NUP37: variants seen among roughly 807,000 people sequenced by gnomAD.
NUP37 encodes the protein nucleoporin Nup37.
NUP37 carries 33 observed loss-of-function variants against 45.4 expected under a neutral mutation model. The ratio of observed to expected loss-of-function variants is 0.73; its 90% CI spans 0.55 to 0.97. The LOEUF (loss-of-function observed/expected upper bound fraction) is 0.97. Among genes scored for constraint, NUP37 ranks in the 50% least tolerant of loss-of-function variants. The pLI is 0.00. For synonymous variants in NUP37, 127 were observed against 130.7 expected (o/e 0.97, Z 0.19); for missense variants, 365 against 389.7 (o/e 0.94, Z 0.53).
Position 102,074,388 on chromosome 12 carries a change from T to G in NUP37, c.947A>C (p.Asp316Ala), listed in dbSNP as rs756240742. Reference protein sequence around the residue: ...RTLPLCVIGGDHKLLFWVTEV With the variant: ...RTLPLCVIGGAHKLLFWVTEV ...AGTCACCCAAAACAACAGCTTGTGG[T>G]CTCCTCCAATTACACACAGAGGGAG... Residue 316 changes from aspartate (D) to alanine (A), a missense_variant, in exon 10 of 10, where the codon GAC becomes GCC. Physicochemically the swap from Asp to Ala is moderately radical, Grantham distance 126 (BLOSUM62 -2). Transcript: ENST00000552283. The G allele has an allele frequency of 1.9e-6, 3 of 1,612,916 alleles. No individual in the cohort carries two copies. Among genetic ancestry groups the G allele is most frequent in the Non-Finnish European group, 2.5e-6 (3 of 1,179,384 alleles).
At chr12:102,099,885 CCCTT>C (rs1159750352) in intron 4 of NUP37, among the ~76,000 whole-genome samples, 1 of 151,926 alleles carries the variant, frequency 6.6e-6, no homozygotes, top group Admixed American at 6.6e-5. Context: ...ATTCTTTCTA[CCCTT>C]CCTTCTTTCC....
At chr12:102,111,971 A>G in intron 3 of NUP37, 137 bp downstream of exon 3, 1 of 754,388 alleles carries the variant, frequency 1.3e-6, no homozygotes, top group Non-Finnish European at 2.1e-6. Context: ...ATTAAGTAGT[A>G]GCAAATATCA....
intron 2 of NUP37, chr12:102,115,858 GA>G (rs896624628): frequency 3.9e-5 from 37 of 951,132 alleles, no homozygotes; most frequent in Admixed American, 6.2e-5. Flanking sequence ...AATGGAACTT[GA>G]AGGTTCTAGG....
chr12:102,096,715 A>C (rs911595365), intron 5 of NUP37, among the ~76,000 whole-genome samples: 1 of 152,168 alleles, frequency 6.6e-6, no homozygotes, highest in Non-Finnish European at 1.5e-5. Flanking sequence ...AGAATCTTAC[A>C]TTATCACATA....
intron 2 of NUP37, 125 bp downstream of exon 2, chr12:102,118,238 G>A (rs1334825717): frequency 1.1e-6 from 1 of 937,064 alleles, no homozygotes; most frequent in African/African-American, 1.7e-5. Flanking sequence ...TTTCTCTATG[G>A]ATCTTATCTT....
intron 8 of NUP37, among the ~76,000 whole-genome samples, chr12:102,076,246 T>G (rs931956472): frequency 6.6e-6 from 1 of 152,202 alleles, no homozygotes; most frequent in African/African-American, 2.4e-5. Context: ...TTCTACAACT[T>G]ATTGGAATAT....
chr12:102,117,441 GA>G (rs55747025), intron 2 of NUP37, among the ~76,000 whole-genome samples: 20 of 146,442 alleles, frequency 1.4e-4, no homozygotes, highest in African/African-American at 3.3e-4. Flanking sequence ...AACTCTGTCT[GA>G]AAAAAAAAAA....
intron 6 of NUP37, among the ~76,000 whole-genome samples, chr12:102,077,788 T>C (rs765369606): frequency 3.3e-5 from 5 of 152,214 alleles, no homozygotes; most frequent in Non-Finnish European, 7.3e-5. Context: ...GTCATGTGTA[T>C]AAGGTATACA....
intron 3 of NUP37, among the ~76,000 whole-genome samples, chr12:102,110,924 T>C (rs763485497): frequency 2.1e-4 from 32 of 152,326 alleles, no homozygotes; most frequent in Non-Finnish European, 3.8e-4. Context: ...AGAACCACTT[T>C]AGAAACTGGC....
At chr12:102,075,176 C>G in intron 8 of NUP37, 82 bp from the exon 9 acceptor site, 1 of 881,924 alleles carries the variant, frequency 1.1e-6, no homozygotes, top group African/African-American at 1.7e-5. Flanking sequence ...TTTTCTTTTT[C>G]TTTTTCTTTT....
rs373368319 is a variant in NUP37, at chr12:102,084,514, C to T, written c.540+1252G>A. On this transcript the variant is annotated intron_variant, in intron 6 of 9. Coordinates refer to ENST00000552283, the MANE Select transcript of NUP37 (RefSeq NM_024057.4). ...CAAAAATTAGCCGAGTGTAGTGGTG[C>T]GTGCCTATAGTCCCAGCTACTCGGG... is the stretch of plus-strand genomic sequence containing the variant. 1.2e-4 allele frequency among the ~76,000 whole-genome samples: 19 copies of T among 152,046 alleles called. 1 individual carries two copies. The highest frequency in any genetic ancestry group is 2.0e-4 in the Admixed American group (3 of 15,268).
intron 5 of NUP37, among the ~76,000 whole-genome samples, chr12:102,098,422 A>G (rs1279426777): frequency 6.6e-6 from 1 of 152,230 alleles, no homozygotes; most frequent in Non-Finnish European, 1.5e-5. Context: ...TGAGAGTCAT[A>G]GTTCATTATT....
At chr12:102,102,775 C>T (rs1049977595) in intron 3 of NUP37, among the ~76,000 whole-genome samples, 1 of 152,204 alleles carries the variant, frequency 6.6e-6, no homozygotes, top group African/African-American at 2.4e-5. Context: ...GTTGATTCTG[C>T]ATATGGAGTG....
At chr12:102,079,880 G>A (rs1462845473) in intron 6 of NUP37, among the ~76,000 whole-genome samples, 3 of 152,196 alleles carry the variant, frequency 2.0e-5, no homozygotes, top group African/African-American at 7.2e-5. Context: ...GTGAGCAAGT[G>A]CACATAAGCG....
At chr12:102,116,775 C>T (rs371982779) in intron 2 of NUP37, among the ~76,000 whole-genome samples, 37 of 151,830 alleles carry the variant, frequency 2.4e-4, no homozygotes, top group Middle Eastern at 3.4e-3. Flanking sequence ...GAGGCTGAGG[C>T]GGGCGGATCA....
intron 2 of NUP37, among the ~76,000 whole-genome samples, chr12:102,117,014 A>C (rs1880483507): frequency 6.6e-6 from 1 of 152,198 alleles, no homozygotes; most frequent in Non-Finnish European, 1.5e-5. Flanking sequence ...AACAAAACAA[A>C]ACAAAAACAG....
At chr12:102,091,671 G>T (rs1879660042) in intron 5 of NUP37, among the ~76,000 whole-genome samples, 1 of 152,044 alleles carries the variant, frequency 6.6e-6, no homozygotes, top group East Asian at 1.9e-4. Context: ...TGCCAATACA[G>T]ACCAAATCAA....
intron 9 of NUP37, 55 bp from the exon 10 acceptor site, chr12:102,074,522 T>TA: frequency 9.8e-7 from 1 of 1,023,590 alleles, no homozygotes; most frequent in South Asian, 1.5e-5. Flanking sequence ...AATTAATAAA[T>TA]AAAAATGACT....
intron 2 of NUP37, among the ~76,000 whole-genome samples, chr12:102,113,888 T>C (rs990619117): frequency 3.9e-5 from 6 of 152,228 alleles, no homozygotes; most frequent in Non-Finnish European, 5.9e-5. Flanking sequence ...GGATAGCCTA[T>C]GGGATCCCAG....
Sources: gnomAD v4.1 joint callset for allele counts (sites outside exome capture counted in the v4.1 genomes callset) on GRCh38, gnomAD v4.1.1 for gene constraint, MANE v1.5 for transcripts, NCBI Gene and HGNC (gene_info 2026-07-23, HGNC 2026-07-21) for gene names.